The following HAP1 variants were observed in gnomAD, a reference collection of about 807,000 sequenced individuals.
The protein encoded by HAP1 is huntingtin-associated protein 1.
A neutral mutation model predicts 60.3 loss-of-function variants in HAP1; 59 were observed. The observed-to-expected ratio is 0.98, with a 90% CI of 0.79 to 1.22. The LOEUF (loss-of-function observed/expected upper bound fraction) is 1.22, where lower values mean the gene tolerates loss of function less well. Among genes scored for constraint, HAP1 ranks in the 50% most tolerant of loss-of-function variants. The pLI, the probability that HAP1 is intolerant of heterozygous loss-of-function variation, is 0.00. For synonymous variants in HAP1, 346 were observed against 330.6 expected (o/e 1.05, Z -0.50); for missense variants, 825 against 785.3 (o/e 1.05, Z -0.60).
rs754343527 is a variant in HAP1 at position 41,734,285 on chromosome 17, G to A, written c.350C>T (p.Ala117Val). The A allele has an allele frequency of 1.1e-4, 172 of 1,608,730 alleles. No individual in the cohort carries two copies. Among genetic ancestry groups the A allele is most frequent in the Non-Finnish European group, 1.3e-4 (148 of 1,177,728 alleles). Residue 117 changes from alanine to valine, a missense_variant, in exon 1 of 11, where the codon GCC (alanine) becomes GTC (valine). Transcript: ENST00000347901. ...TGCCTTTCCAGTCCCCCGGCCAGTG[G>A]CCCGGGAACCAAACGGCCCTTGGAA... The part of the protein sequence containing the change: ...FVFQGPFGSR[A>V]TGRGTGKAAG...
chr17:41,720,992 G>C (rs939628263), downstream of HAP1: 4 of 151,838 alleles, frequency 2.6e-5, no homozygotes, highest in Non-Finnish European at 4.4e-5. Context: ...GTGGAGACGG[G>C]GTTTCTCCAT....
chr17:41,726,021 G>A (rs770575649), intron 9 of HAP1, 124 bp from the exon 10 acceptor site: 60 of 745,920 alleles, frequency 8.0e-5, no homozygotes, highest in Non-Finnish European at 1.2e-4. Context: ...TGTAATCCCA[G>A]CACTTTGGGA....
At chr17:41,732,606 G>T in intron 2 of HAP1, 113 bp downstream of exon 2, 2 of 1,029,434 alleles carry the variant, frequency 1.9e-6, no homozygotes, top group Non-Finnish European at 3.1e-6. Context: ...CCATAAGAAG[G>T]ACCCTAACCT....
chr17:41,733,712 T>C (rs1407304833), intron 1 of HAP1, among the ~76,000 whole-genome samples: 3 of 151,888 alleles, frequency 2.0e-5, no homozygotes, highest in Non-Finnish European at 4.4e-5. Context: ...GAGCGCGACT[T>C]TGCCCCCATA....
At chr17:41,719,990 T>C (rs8067133), downstream of HAP1, among the ~76,000 whole-genome samples, 131,124 of 149,478 alleles carry the variant, frequency 0.88, 57,576 homozygotes, top group Middle Eastern at 0.94. Flanking sequence ...CCCGGGTTCA[T>C]GCCATTCTCC....
intron 7 of HAP1, 95 bp downstream of exon 7, chr17:41,728,106 G>A (rs1911827823): frequency 1.4e-6 from 2 of 1,413,610 alleles, no homozygotes; most frequent in South Asian, 1.2e-5. Flanking sequence ...CACAGAAAGG[G>A]ACCTCAGGCC....
At chr17:41,717,989 G>A, downstream of HAP1, 1 of 470,056 alleles carries the variant, frequency 2.1e-6, no homozygotes, top group Non-Finnish European at 4.4e-6. Flanking sequence ...AGGAGGGAAA[G>A]TGTTTTCTCT....
intron 8 of HAP1, 61 bp downstream of exon 8, chr17:41,727,701 G>T: frequency 1.8e-6 from 2 of 1,125,650 alleles, no homozygotes; most frequent in Non-Finnish European, 2.7e-6. Context: ...AAGGGCCTGG[G>T]GTCCCCACTC....
rs11314342 is a variant in HAP1, at chr17:41,730,915, C to CT, written c.1069+577dup. ...GAAGACAGGCTTGGAGGAGACCCAC[C>CT]TTTTTTTTTTTTTGAGATGGAGTCT... On this transcript the variant is annotated intron_variant, in intron 6 of 10. Coordinates refer to ENST00000347901, the MANE Select transcript of HAP1 (RefSeq NM_177977.3). Among the ~76,000 whole-genome samples, 498 of 145,632 alleles carry CT rather than the reference C, an allele frequency of 3.4e-3. 2 individuals carry two copies. The highest frequency in any genetic ancestry group is 0.031 in the Middle Eastern group (9 of 286).
rs782650021 is a variant in HAP1, at chr17:41,728,243, C to T, written c.1158G>A (p.Arg386=). The change falls in exon 7 of 11, where the codon CGG becomes CGA. Residue 386 remains arginine (R), a synonymous_variant. Transcript: ENST00000347901. Reference sequence around the variant, plus strand: ...GCAGCTTCAGCACCTGGGCCTGCAGCCGAGCGACCTCCTGCTGCTGCCGTT... The same window carrying T: ...GCAGCTTCAGCACCTGGGCCTGCAGTCGAGCGACCTCCTGCTGCTGCCGTT... The part of the protein sequence containing the change: ...NYERQQQEVA[R]LQAQVLKLQQ... The T allele has an allele frequency of 6.2e-7, 1 of 1,613,298 alleles. No homozygotes were observed. The highest frequency in any genetic ancestry group is 8.5e-7 in the Non-Finnish European group (1 of 1,180,030).
chr17:41,724,508 C>T lies in HAP1; in HGVS notation c.*193G>A, dbSNP rs907302100. On this transcript the variant is annotated 3_prime_UTR_variant, in exon 11 of 11. Coordinates refer to ENST00000347901, the MANE Select transcript of HAP1 (RefSeq NM_177977.3). ...CCCAGCCCTAACCCCCAGCCCAGCC[C>T]CCAGGAGAAAAGTGGATGGAGATCT... is the stretch of plus-strand genomic sequence containing the variant. The T allele has an allele frequency of 1.7e-6, 1 of 595,338 alleles. No homozygotes were observed. Among genetic ancestry groups the T allele is most frequent in the African/African-American group, 1.9e-5 (1 of 53,846 alleles). 36.9% of individuals were successfully genotyped at this position (595,338 alleles called of 1,614,324 possible).
chr17:41,726,573 A>C lies in HAP1; in HGVS notation c.1367+480T>G, dbSNP rs376287245. Among the ~76,000 whole-genome samples the C allele has an allele frequency of 1.1e-4, 16 of 151,170 alleles. No individual in the cohort carries two copies. The East Asian group carries it at 1.2e-3, about 11-fold the overall frequency. ...TGAGACTCGTCTCAAAAAAAAAAAAAAACCTCAGGCTGGGCATGATGGCTC... is the reference window on the plus strand; with the variant it reads ...TGAGACTCGTCTCAAAAAAAAAAAACAACCTCAGGCTGGGCATGATGGCTC... On this transcript the variant is annotated intron_variant, in intron 9 of 10. Transcript: ENST00000347901.
At chr17:41,726,689 T>C (rs531258083) in intron 9 of HAP1, among the ~76,000 whole-genome samples, 2 of 151,228 alleles carry the variant, frequency 1.3e-5, no homozygotes, top group South Asian at 4.2e-4. Flanking sequence ...AGGGTGAAAC[T>C]GTGTCTCTAC....
Position 41,734,231 on chromosome 17 carries a change from T to A in HAP1, c.404A>T (p.Tyr135Phe). 1.2e-6 allele frequency: 2 copies of A among 1,600,586 alleles called. No individual in the cohort carries two copies. The highest frequency in any genetic ancestry group is 4.5e-5 in the East Asian group (2 of 44,426). Reference protein sequence around the residue: ...AAGIWKTPAAYVGRRPGVSGP... With the variant: ...AAGIWKTPAAFVGRRPGVSGP... ...GGACACCCCGGGTCGCCGGCCAACG[T>A]AGGCGGCTGGCGTCTTCCAGATGCC... Residue 135 changes from tyrosine to phenylalanine, a missense_variant, in exon 1 of 11, where the codon TAC (tyrosine) becomes TTC (phenylalanine). Physicochemically the swap from Tyr to Phe is conservative, Grantham distance 22 (BLOSUM62 3). Coordinates refer to ENST00000347901, the MANE Select transcript of HAP1 (RefSeq NM_177977.3).
intron 6 of HAP1, among the ~76,000 whole-genome samples, chr17:41,729,776 T>G (rs1198625896): frequency 6.8e-6 from 1 of 146,708 alleles, no homozygotes; most frequent in African/African-American, 2.5e-5. Flanking sequence ...CTCAGGAGGC[T>G]GAGGCAGGAG....
Position 41,728,188 on chromosome 17 carries a change from A to G in HAP1, c.1200+13T>C, listed in dbSNP as rs782695137. On this transcript the variant is annotated intron_variant, in intron 7 of 10. Coordinates refer to ENST00000347901, the MANE Select transcript of HAP1 (RefSeq NM_177977.3). The stretch of plus-strand genomic sequence containing the variant: ...GGGCCACGACAAGAGGGTTCCACAC[A>G]CACCCGACTCACCATCCGGCAGCGC... 6.2e-7 allele frequency: 1 copy of G among 1,608,350 alleles called. No homozygotes were observed. The highest frequency in any genetic ancestry group is 8.5e-7 in the Non-Finnish European group (1 of 1,179,976).
downstream of HAP1, chr17:41,717,787 C>G: frequency 3.6e-6 from 1 of 280,894 alleles, no homozygotes; most frequent in Non-Finnish European, 8.0e-6. Flanking sequence ...AAACAGGAAA[C>G]TGGGAGCGTG....
intron 6 of HAP1, 125 bp downstream of exon 6, chr17:41,731,368 T>C: frequency 1.3e-6 from 1 of 758,030 alleles, no homozygotes; most frequent in South Asian, 1.5e-5. Flanking sequence ...AAGGAATGTA[T>C]CCAAGTTCAC....
intron 10 of HAP1, 93 bp from the exon 11 acceptor site, chr17:41,725,247 C>T (rs373119986): frequency 5.3e-5 from 56 of 1,058,412 alleles, no homozygotes; most frequent in East Asian, 4.0e-4. Flanking sequence ...CTGATGGTTC[C>T]TCCTGGTTCT....
Sources: gnomAD v4.1 joint callset for allele counts (sites outside exome capture counted in the v4.1 genomes callset) on GRCh38, gnomAD v4.1.1 for gene constraint, MANE v1.5 for transcripts, NCBI Gene and HGNC (gene_info 2026-07-23, HGNC 2026-07-21) for gene names.